UTP14A: variants seen among roughly 807,000 people sequenced by gnomAD.
The protein encoded by UTP14A is U3 small nucleolar RNA-associated protein 14 homolog A.
A neutral mutation model predicts 57.2 loss-of-function variants in UTP14A; 5 were observed. The observed-to-expected ratio is 0.09, with a 90% CI of 0.05 to 0.18. The LOEUF (loss-of-function observed/expected upper bound fraction) is 0.18. UTP14A is among the 10% of genes least tolerant of loss of function. The pLI is 1.00. For missense variants in UTP14A, 430 were observed against 562.1 expected, an observed-to-expected ratio of 0.76 and a Z score of 2.38; for synonymous variants, 169 against 210.9, an observed-to-expected ratio of 0.80 and a Z score of 1.72.
chrX:129,926,349 T>TAG lies in UTP14A; in HGVS notation c.2043+15_2043+16dup, dbSNP rs752815254. ...CGCAGCTGCTCATCAGGTGAGAGCTTAGAGAGCTCTTTAGCTGCCTGCTTG... is the reference window on the plus strand; with the variant it reads ...CGCAGCTGCTCATCAGGTGAGAGCTTAGAGAGAGCTCTTTAGCTGCCTGCTTG... On this transcript the variant is annotated intron_variant, in intron 14 of 14. Transcript: ENST00000394422. 1.7e-6 allele frequency: 2 copies of TAG among 1,193,347 alleles called. No homozygotes were observed. The highest frequency in any genetic ancestry group is 4.4e-5 in the Admixed American group (2 of 45,638).
chrX:129,923,927 G>A (rs909781732), intron 11 of UTP14A, among the ~76,000 whole-genome samples: 2 of 110,775 alleles, frequency 1.8e-5, no homozygotes, highest in African/African-American at 6.6e-5. Flanking sequence ...GGCAAAGCTG[G>A]GAATAGGACC....
rs1929479144 is a variant in UTP14A, at chrX:129,911,759, G to A, written c.382-7G>A. ...CTCTTTCCGTTTACATGCCTTGCCT[G>A]CTTCAGATCCACAGAGAAGTAGCAT... On this transcript the variant is annotated splice_polypyrimidine_tract_variant and splice_region_variant and intron_variant, in intron 5 of 14. Transcript: ENST00000394422. 8.3e-7 allele frequency: 1 copy of A among 1,209,004 alleles called. No individual in the cohort carries two copies. The highest frequency in any genetic ancestry group is 1.1e-6 in the Non-Finnish European group (1 of 893,976).
intron 2 of UTP14A, 77 bp from the exon 3 acceptor site, chrX:129,907,982 AT>A (rs1319487975): frequency 1.2e-6 from 1 of 857,581 alleles, no homozygotes; most frequent in Non-Finnish European, 1.7e-6. Context: ...ATAACAAGAG[AT>A]TTTACATGAG....
intron 8 of UTP14A, 116 bp from the exon 9 acceptor site, chrX:129,920,341 C>G: frequency 9.5e-7 from 1 of 1,054,488 alleles, no homozygotes; most frequent in Non-Finnish European, 1.3e-6. Flanking sequence ...CCAACTAGCT[C>G]TATGATGCCC....
intron 6 of UTP14A, among the ~76,000 whole-genome samples, chrX:129,912,175 C>T (rs1224839045): frequency 1.9e-5 from 2 of 108,003 alleles, no homozygotes; most frequent in Admixed American, 1.0e-4. Flanking sequence ...TGCAGTGGCA[C>T]GATCTCAGCT....
intron 11 of UTP14A, 57 bp from the exon 12 acceptor site, chrX:129,924,738 C>T: frequency 8.6e-7 from 1 of 1,157,426 alleles, no homozygotes; most frequent in East Asian, 3.0e-5. Flanking sequence ...AAATGCTTAC[C>T]GACCAGACAA....
At chrX:129,925,262 C>A in intron 12 of UTP14A, 67 bp downstream of exon 12, 2 of 1,143,108 alleles carry the variant, frequency 1.7e-6, no homozygotes, top group East Asian at 3.0e-5. Context: ...AGTAATGAAG[C>A]TTTGTTTTGC....
intron 1 of UTP14A, 38 bp downstream of exon 1, chrX:129,906,274 G>A: frequency 4.2e-6 from 5 of 1,181,565 alleles, no homozygotes; most frequent in Non-Finnish European, 5.7e-6. Flanking sequence ...TCTGGGTCTC[G>A]TTGGGGGCCG....
intron 4 of UTP14A, among the ~76,000 whole-genome samples, chrX:129,909,986 A>G (rs1055026209): frequency 6.2e-5 from 7 of 112,341 alleles, no homozygotes; most frequent in Admixed American, 2.8e-4. Context: ...TGGGGTTTAC[A>G]TTCTAATGAA....
chrX:129,909,975 A>ATGG (rs1929404687), intron 4 of UTP14A, among the ~76,000 whole-genome samples: 1 of 112,201 alleles, frequency 8.9e-6, no homozygotes, highest in Admixed American at 9.5e-5. Context: ...ATGTGAGCTC[A>ATGG]TGGGGTTTAC....
chrX:129,907,973 TAAC>T (rs933143469), intron 2 of UTP14A, 84 bp from the exon 3 acceptor site: 26 of 808,373 alleles, frequency 3.2e-5, no homozygotes, highest in Admixed American at 1.3e-4. Flanking sequence ...AATAAATAAA[TAAC>T]AAGAGATTTT....
In UTP14A at chrX:129,921,534, A is replaced by G; in HGVS notation, c.1295A>G (p.Lys432Arg). ...TTTGAGGAAAGGCGATCCCTTAGAA[A>G]AAGATCTGAGCTCAGCCAAGATGCT... ...REFEERRSLRKRSELSQDAEP... is the reference protein window; with the variant it reads ...REFEERRSLRRRSELSQDAEP... The change falls in exon 11 of 15, where the codon AAA becomes AGA. Residue 432 changes from lysine to arginine, a missense_variant. Transcript: ENST00000394422. 8.3e-7 allele frequency: 1 copy of G among 1,211,804 alleles called. No individual in the cohort carries two copies. Among genetic ancestry groups the G allele is most frequent in the Non-Finnish European group, 1.1e-6 (1 of 895,559 alleles).
At chrX:129,915,951 CTTTT>C (rs767150196) in intron 6 of UTP14A, among the ~76,000 whole-genome samples, 1 of 81,943 alleles carries the variant, frequency 1.2e-5, no homozygotes. Flanking sequence ...AATTCCATGA[CTTTT>C]TTTTTTTTTT....
chrX:129,908,013 T>C, intron 2 of UTP14A, 47 bp from the exon 3 acceptor site: 1 of 1,066,132 alleles, frequency 9.4e-7, no homozygotes, highest in Non-Finnish European at 1.3e-6. Context: ...CCATGTTGTC[T>C]TTTCCCTCCC....
intron 2 of UTP14A, 81 bp downstream of exon 2, chrX:129,907,523 T>C: frequency 2.2e-6 from 2 of 894,781 alleles, no homozygotes; most frequent in Non-Finnish European, 3.2e-6. Flanking sequence ...CAATGTTCTA[T>C]GTATTTGTTC....
rs1307125911 is a variant in UTP14A at position 129,906,256 on chromosome X, G to A, written c.26+20G>A. On this transcript the variant is annotated intron_variant, in intron 1 of 14. Coordinates refer to ENST00000394422, the MANE Select transcript of UTP14A (RefSeq NM_006649.4). ...AGAGAGGTGAAGGGCAACGAGGGGA[G>A]GGGGGATTCTGGGTCTCGTTGGGGG... is the stretch of plus-strand genomic sequence containing the variant. 2 of 1,195,404 alleles carry A rather than the reference G, an allele frequency of 1.7e-6. No homozygotes were observed. The highest frequency in any genetic ancestry group is 3.5e-5 in the African/African-American group (2 of 56,460).
At chrX:129,912,554 A>G (rs1603002030) in intron 6 of UTP14A, among the ~76,000 whole-genome samples, 1 of 111,514 alleles carries the variant, frequency 9.0e-6, no homozygotes, top group African/African-American at 3.2e-5. Flanking sequence ...TTTAAAAAGC[A>G]TTTAAAGCCA....
chrX:129,911,924 G>A lies in UTP14A; in HGVS notation c.537+3G>A, dbSNP rs1448504979. The A allele has an allele frequency of 2.5e-6, 3 of 1,206,702 alleles. No individual in the cohort carries two copies. The highest frequency in any genetic ancestry group is 3.4e-6 in the Non-Finnish European group (3 of 893,680). On this transcript the variant is annotated splice_donor_region_variant and intron_variant, in intron 6 of 14. Transcript: ENST00000394422. ...AACATGTGCTCAGTGGCTGGAAGGTGAGTACAACAAAATGAAACTGAAAGG... is the reference window on the plus strand; with the variant it reads ...AACATGTGCTCAGTGGCTGGAAGGTAAGTACAACAAAATGAAACTGAAAGG...
intron 6 of UTP14A, among the ~76,000 whole-genome samples, chrX:129,913,097 G>A (rs1436099250): frequency 8.9e-6 from 1 of 111,762 alleles, no homozygotes; most frequent in Non-Finnish European, 1.9e-5. Flanking sequence ...GGGCTGATTA[G>A]TCTTAAATAG....
Sources: gnomAD v4.1 joint callset for allele counts (sites outside exome capture counted in the v4.1 genomes callset) on GRCh38, gnomAD v4.1.1 for gene constraint, MANE v1.5 for transcripts, NCBI Gene and HGNC (gene_info 2026-07-23, HGNC 2026-07-21) for gene names.